CSGALNACT1: variants seen among roughly 807,000 people sequenced by gnomAD.
The protein encoded by CSGALNACT1 is chondroitin sulfate N-acetylgalactosaminyltransferase 1, also known as beta4GalNAcT-1.
Under a neutral mutation model 51.0 loss-of-function variants are expected in CSGALNACT1, and 52 were observed. That is an observed-to-expected ratio of 1.02 (90% CI 0.82 to 1.29). The LOEUF is 1.29. CSGALNACT1 is among the 50% of genes most tolerant of loss of function. The pLI, the probability that CSGALNACT1 is intolerant of heterozygous loss-of-function variation, is 0.00. For missense variants in CSGALNACT1, 935 were observed against 679.2 expected, an observed-to-expected ratio of 1.38 and a Z score of -4.19; for synonymous variants, 341 against 254.4, an observed-to-expected ratio of 1.34 and a Z score of -3.24.
chr8:19,617,291 C>A (rs557570615), intron 1 of CSGALNACT1, among the ~76,000 whole-genome samples: 1 of 152,248 alleles, frequency 6.6e-6, no homozygotes, highest in Non-Finnish European at 1.5e-5. Context: ...ACTCGCCTGC[C>A]GTTCACCTTC....
chr8:19,709,425 A>G (rs930917590), intron 1 of CSGALNACT1, among the ~76,000 whole-genome samples: 15 of 152,226 alleles, frequency 9.9e-5, no homozygotes, highest in Non-Finnish European at 1.8e-4. Flanking sequence ...TGATTTCACA[A>G]AAGTCTAGGG....
chr8:19,595,260 C>A (rs746459486), intron 2 of CSGALNACT1, among the ~76,000 whole-genome samples: 2 of 152,072 alleles, frequency 1.3e-5, no homozygotes, highest in Non-Finnish European at 2.9e-5. Context: ...CCCTTTAGAG[C>A]GAGTATTAGC....
At chr8:19,404,179 T>C (rs141955684) in exon 10 of CSGALNACT1, 8 of 354,628 alleles carry the variant, frequency 2.3e-5, no homozygotes, top group African/African-American at 1.7e-4. Context: ...ACAAATCATA[T>C]TTTATTAGCT....
chr8:19,503,375 T>C (rs1031093313), intron 4 of CSGALNACT1, among the ~76,000 whole-genome samples: 15 of 152,158 alleles, frequency 9.9e-5, no homozygotes, highest in African/African-American at 3.4e-4. Context: ...TCACTGCTGA[T>C]TGAGAAAGAT....
intron 1 of CSGALNACT1, among the ~76,000 whole-genome samples, chr8:19,703,444 C>T (rs556010575): frequency 6.6e-5 from 10 of 152,296 alleles, no homozygotes; most frequent in African/African-American, 2.4e-4. Context: ...GCTGGGACTA[C>T]AGGCACCTGC....
At chr8:19,463,145 A>G (rs1371230883) in intron 4 of CSGALNACT1, among the ~76,000 whole-genome samples, 1 of 122,498 alleles carries the variant, frequency 8.2e-6, no homozygotes, top group African/African-American at 2.6e-5. Flanking sequence ...TCCAAAGAAC[A>G]TGATTTCATT....
At chr8:19,692,146 C>T (rs560548673) in intron 1 of CSGALNACT1, among the ~76,000 whole-genome samples, 1 of 152,240 alleles carries the variant, frequency 6.6e-6, no homozygotes, top group Non-Finnish European at 1.5e-5. Context: ...AGGAACCGCC[C>T]CCATGATCCA....
intron 1 of CSGALNACT1, among the ~76,000 whole-genome samples, chr8:19,609,831 G>A (rs1052171314): frequency 6.6e-6 from 1 of 152,130 alleles, no homozygotes; most frequent in African/African-American, 2.4e-5. Flanking sequence ...AGTTTATTGT[G>A]TATTAATTAT....
At chr8:19,646,620 T>A (rs1195151004) in intron 1 of CSGALNACT1, among the ~76,000 whole-genome samples, 2 of 152,164 alleles carry the variant, frequency 1.3e-5, no homozygotes, top group African/African-American at 2.4e-5. Flanking sequence ...ACGCCACCTT[T>A]AGTACAAGAA....
intron 6 of CSGALNACT1, among the ~76,000 whole-genome samples, chr8:19,430,990 C>T (rs1012495897): frequency 2.0e-5 from 3 of 151,942 alleles, no homozygotes; most frequent in South Asian, 2.1e-4. Context: ...GTTTATTGCT[C>T]GTGTATAGAA....
chr8:19,605,446 ATAAT>A (rs977300556), upstream of CSGALNACT1, among the ~76,000 whole-genome samples: 1 of 152,166 alleles, frequency 6.6e-6, no homozygotes, highest in African/African-American at 2.4e-5. Flanking sequence ...CAATAAATAA[ATAAT>A]TAATAAATTC....
intron 1 of CSGALNACT1, among the ~76,000 whole-genome samples, chr8:19,755,471 A>AAAAAAAAAAAAAAAAC: frequency 6.9e-6 from 1 of 144,660 alleles, no homozygotes; most frequent in East Asian, 1.9e-4. Flanking sequence ...AAAAAAAAAA[A>AAAAAAAAAAAAAAAAC]AAAAAAAAAA....
chr8:19,436,712 G>C (rs1052651994), intron 6 of CSGALNACT1, among the ~76,000 whole-genome samples: 13 of 152,116 alleles, frequency 8.5e-5, no homozygotes, highest in Admixed American at 2.6e-4. Context: ...TTTGAAACCA[G>C]CCTGGGAAAC....
intron 1 of CSGALNACT1, among the ~76,000 whole-genome samples, chr8:19,680,834 T>G (rs2060563227): frequency 6.6e-6 from 1 of 152,020 alleles, no homozygotes. Context: ...AAAACAAATA[T>G]CCCAGAACCA....
intron 3 of CSGALNACT1, among the ~76,000 whole-genome samples, chr8:19,584,906 C>G (rs113342933): frequency 6.6e-6 from 1 of 152,092 alleles, no homozygotes; most frequent in Admixed American, 6.5e-5. Flanking sequence ...GGGTACCAAC[C>G]GTAGACAGCA....
intron 1 of CSGALNACT1, chr8:19,732,382 A>G (rs1352153411): frequency 6.6e-6 from 1 of 152,236 alleles, no homozygotes; most frequent in African/African-American, 2.4e-5. Context: ...CAGCTGCCAT[A>G]AAATATGCAC....
exon 10 of CSGALNACT1, chr8:19,405,439 G>C (rs1163301932): frequency 2.1e-6 from 1 of 487,464 alleles, no homozygotes; most frequent in Non-Finnish European, 4.0e-6. Flanking sequence ...TTACAAAACT[G>C]CTCTTAAATC....
chr8:19,699,181 A>G (rs1589578674), intron 1 of CSGALNACT1, among the ~76,000 whole-genome samples: 1 of 151,596 alleles, frequency 6.6e-6, no homozygotes, highest in East Asian at 1.9e-4. Flanking sequence ...CTCGTTTTTT[A>G]TTTTTAGTTT....
chr8:19,541,553 A>AT (rs1159626193), intron 3 of CSGALNACT1, among the ~76,000 whole-genome samples: 1,320 of 70,060 alleles, frequency 0.019, 110 homozygotes, highest in Non-Finnish European at 0.023. Flanking sequence ...TGCTCAGCCA[A>AT]TTTTTTTTTT....
Sources: allele counts gnomAD v4.1 joint callset (sites outside exome capture counted in the v4.1 genomes callset), GRCh38; gene constraint gnomAD v4.1.1; transcripts MANE v1.5; gene names NCBI Gene and HGNC (gene_info 2026-07-23, HGNC 2026-07-21).